Variants in PLCE1 observed in about 807,000 individuals in gnomAD.
The protein encoded by PLCE1 is phospholipase C epsilon 1, also known as 1-phosphatidylinositol 4,5-bisphosphate phosphodiesterase epsilon-1.
A neutral mutation model predicts 242.8 loss-of-function variants in PLCE1; 119 were observed. The ratio of observed to expected loss-of-function variants is 0.49; its 90% CI spans 0.42 to 0.57. The LOEUF (loss-of-function observed/expected upper bound fraction) is 0.57. PLCE1 is among the 20% of genes least tolerant of loss of function. The probability of loss-of-function intolerance (pLI) is 0.00; values close to 1 mark genes in which losing one functional copy is unlikely to be tolerated. For missense variants in PLCE1, 2,441 were observed against 2,788.8 expected (o/e 0.88, Z 2.81); for synonymous variants, 945 against 1,017.4 (o/e 0.93, Z 1.35).
intron 7 of PLCE1, among the ~76,000 whole-genome samples, chr10:94,244,378 AC>A (rs2050607215): frequency 6.6e-6 from 1 of 152,134 alleles, no homozygotes; most frequent in Non-Finnish European, 1.5e-5. Flanking sequence ...ATGTCTGTGG[AC>A]CAAATAGCAG....
intron 4 of PLCE1, among the ~76,000 whole-genome samples, chr10:94,174,615 T>C (rs888345790): frequency 1.3e-5 from 2 of 152,176 alleles, no homozygotes; most frequent in Admixed American, 6.5e-5. Flanking sequence ...CCTCCTGATA[T>C]GATGCCCTGA....
intron 4 of PLCE1, among the ~76,000 whole-genome samples, chr10:94,190,574 C>G (rs1360456555): frequency 1.3e-5 from 2 of 152,190 alleles, no homozygotes; most frequent in Non-Finnish European, 2.9e-5. Context: ...CCACTGTACT[C>G]CAGCCTGGCT....
At chr10:94,221,722 G>C (rs932290277) in intron 4 of PLCE1, among the ~76,000 whole-genome samples, 14 of 152,186 alleles carry the variant, frequency 9.2e-5, no homozygotes, top group African/African-American at 3.4e-4. Flanking sequence ...CAACAAGAGG[G>C]AAGTTCTGTC....
At chr10:94,320,919 C>T (rs754576080) in intron 29 of PLCE1, among the ~76,000 whole-genome samples, 5 of 151,876 alleles carry the variant, frequency 3.3e-5, no homozygotes, top group African/African-American at 9.7e-5. Flanking sequence ...TATTTTGTGG[C>T]GAATAAGGTG....
At chr10:94,180,748 C>T (rs1163423090) in intron 4 of PLCE1, among the ~76,000 whole-genome samples, 1 of 152,182 alleles carries the variant, frequency 6.6e-6, no homozygotes, top group Non-Finnish European at 1.5e-5. Context: ...AGGGCTCCTC[C>T]ATCGTCAATG....
At chr10:94,117,682 CAG>C (rs2046175581) in intron 2 of PLCE1, among the ~76,000 whole-genome samples, 1 of 152,130 alleles carries the variant, frequency 6.6e-6, no homozygotes, top group African/African-American at 2.4e-5. Flanking sequence ...CAGTTGATCC[CAG>C]TGGGTTGGTT....
At chr10:94,118,881 C>T (rs563182050) in intron 2 of PLCE1, among the ~76,000 whole-genome samples, 30 of 152,288 alleles carry the variant, frequency 2.0e-4, no homozygotes, top group African/African-American at 6.7e-4. Flanking sequence ...AACTTGAGTG[C>T]AGTTTTAATG....
intron 1 of PLCE1, among the ~76,000 whole-genome samples, chr10:93,996,476 G>A (rs543664182): frequency 2.6e-5 from 4 of 152,302 alleles, no homozygotes; most frequent in South Asian, 2.1e-4. Context: ...AGGGAAGCAT[G>A]TGATTTAGTT....
intron 2 of PLCE1, among the ~76,000 whole-genome samples, chr10:94,069,015 G>A (rs2044278270): frequency 6.6e-6 from 1 of 152,182 alleles, no homozygotes; most frequent in Non-Finnish European, 1.5e-5. Context: ...GATGAATGAG[G>A]GAAATGAATG....
intron 2 of PLCE1, 55 bp downstream of exon 2, chr10:94,032,307 A>G (rs2061575690): frequency 6.5e-7 from 1 of 1,532,960 alleles, no homozygotes; most frequent in African/African-American, 1.4e-5. Flanking sequence ...TTTTTTCAAA[A>G]AAAAGTCCAA....
intron 4 of PLCE1, among the ~76,000 whole-genome samples, chr10:94,179,512 G>GTTTTTTTTTGTTTTTTTTTTTTTTTTTT (rs750384818): frequency 5.2e-5 from 1 of 19,398 alleles, no homozygotes; most frequent in African/African-American, 1.6e-4. Context: ...TTTTAGTTTA[G>GTTTTTTTTTGTTTTTTTTTTTTTTTTTT]TTTTTTTTTT....
intron 2 of PLCE1, among the ~76,000 whole-genome samples, chr10:94,131,216 C>T (rs760609207): frequency 3.9e-5 from 6 of 152,168 alleles, no homozygotes; most frequent in Admixed American, 6.5e-5. Flanking sequence ...GTGTCTCCTC[C>T]GTTTGTTTAT....
At chr10:94,297,590 T>TAAAAAAAAAAAAAAAAAAAAAAAAA (rs71031568) in intron 23 of PLCE1, among the ~76,000 whole-genome samples, 3 of 56,580 alleles carry the variant, frequency 5.3e-5, no homozygotes, top group East Asian at 5.6e-4. Context: ...TTTAAATTTG[T>TAAAAAAAAAAAAAAAAAAAAAAAAA]AAAAAAAAAA....
At chr10:94,250,995 G>A (rs1402523041) in intron 8 of PLCE1, among the ~76,000 whole-genome samples, 1 of 152,144 alleles carries the variant, frequency 6.6e-6, no homozygotes, top group Non-Finnish European at 1.5e-5. Flanking sequence ...TTCATTCTCT[G>A]TATCACTGCA....
At chr10:94,149,232 C>T (rs144717391) in intron 3 of PLCE1, among the ~76,000 whole-genome samples, 1 of 152,290 alleles carries the variant, frequency 6.6e-6, no homozygotes, top group East Asian at 1.9e-4. Flanking sequence ...TTGGCACAGT[C>T]GGCATAGCCA....
intron 19 of PLCE1, among the ~76,000 whole-genome samples, chr10:94,274,647 C>T (rs1304300992): frequency 3.9e-5 from 6 of 152,116 alleles, no homozygotes; most frequent in African/African-American, 1.2e-4. Context: ...GGAGTGTGCA[C>T]GCCGTGTCAA....
At chr10:94,261,089 C>G (rs2051280388) in intron 13 of PLCE1, among the ~76,000 whole-genome samples, 1 of 152,158 alleles carries the variant, frequency 6.6e-6, no homozygotes, top group Non-Finnish European at 1.5e-5. Flanking sequence ...TCCACCTTTA[C>G]AGTATCATAC....
intron 2 of PLCE1, among the ~76,000 whole-genome samples, chr10:94,120,135 A>G (rs2046257636): frequency 1.3e-5 from 2 of 151,992 alleles, no homozygotes; most frequent in South Asian, 4.2e-4. Context: ...CAACTCCTCC[A>G]TCCTGTCTGG....
intron 3 of PLCE1, among the ~76,000 whole-genome samples, chr10:94,162,521 T>C (rs1454197073): frequency 6.6e-6 from 1 of 152,216 alleles, no homozygotes; most frequent in African/African-American, 2.4e-5. Flanking sequence ...TCATTTTTTA[T>C]TGCGTCTATT....
Sources: gnomAD v4.1 joint callset for allele counts (sites outside exome capture counted in the v4.1 genomes callset) on GRCh38, gnomAD v4.1.1 for gene constraint, MANE v1.5 for transcripts, NCBI Gene and HGNC (gene_info 2026-07-23, HGNC 2026-07-21) for gene names.